The following SLC24A3 variants were observed in gnomAD, a reference collection of about 807,000 sequenced individuals.
The protein encoded by SLC24A3 is sodium/potassium/calcium exchanger 3.
In SLC24A3, 28 loss-of-function variants were observed where a neutral mutation model predicts 75.8. That is an observed-to-expected ratio of 0.37 (90% CI 0.27 to 0.51). SLC24A3 has a LOEUF of 0.51. SLC24A3 is among the 20% of genes least tolerant of loss of function. The pLI, the probability that SLC24A3 is intolerant of heterozygous loss-of-function variation, is 0.94. For synonymous variants in SLC24A3, 372 were observed against 334.1 expected, an observed-to-expected ratio of 1.11 and a Z score of -1.24; for missense variants, 663 against 847.8, an observed-to-expected ratio of 0.78 and a Z score of 2.71.
chr20:19,476,835 T>TAGCA (rs1987969672), intron 2 of SLC24A3, among the ~76,000 whole-genome samples: 1 of 152,154 alleles, frequency 6.6e-6, no homozygotes, highest in Non-Finnish European at 1.5e-5. Flanking sequence ...GGAGGAACGA[T>TAGCA]AGCACAGCAA....
intron 2 of SLC24A3, among the ~76,000 whole-genome samples, chr20:19,379,593 C>T (rs778917917): frequency 4.6e-5 from 7 of 152,284 alleles, no homozygotes; most frequent in South Asian, 2.1e-4. Flanking sequence ...CACAGGTGCA[C>T]ACCCCCAGTT....
intron 2 of SLC24A3, among the ~76,000 whole-genome samples, chr20:19,300,874 G>C (rs1984178975): frequency 6.6e-6 from 1 of 152,148 alleles, no homozygotes; most frequent in Non-Finnish European, 1.5e-5. Flanking sequence ...CTGGCTGCGA[G>C]AAGTGGGGGT....
At chr20:19,486,661 A>T (rs910212467) in intron 2 of SLC24A3, among the ~76,000 whole-genome samples, 1 of 152,140 alleles carries the variant, frequency 6.6e-6, no homozygotes, top group Non-Finnish European at 1.5e-5. Context: ...CCTCCACTTC[A>T]TGAGGGTTAT....
At chr20:19,452,263 C>A (rs866242010) in intron 2 of SLC24A3, among the ~76,000 whole-genome samples, 1 of 152,234 alleles carries the variant, frequency 6.6e-6, no homozygotes, top group Non-Finnish European at 1.5e-5. Flanking sequence ...ACATCAAAAT[C>A]TACTATCTAG....
chr20:19,214,789 T>G lies in SLC24A3; in HGVS notation c.142+1805T>G, dbSNP rs1014974247. ...CAGGTGCCACTGACTCAGATTTAGT[T>G]CCATAGCACGGCCTTTTCCGCATCC... On this transcript the variant is annotated intron_variant, in intron 1 of 16. Coordinates refer to ENST00000328041, the MANE Select transcript of SLC24A3 (RefSeq NM_020689.4). Among the ~76,000 whole-genome samples, 18 of 152,290 alleles carry G rather than the reference T, an allele frequency of 1.2e-4. 1 individual carries two copies. The highest frequency in any genetic ancestry group is 9.2e-4 in the Admixed American group (14 of 15,298).
At chr20:19,277,977 A>G (rs1384814547) in intron 1 of SLC24A3, among the ~76,000 whole-genome samples, 3 of 152,100 alleles carry the variant, frequency 2.0e-5, no homozygotes, top group Non-Finnish European at 4.4e-5. Flanking sequence ...TGGCCACAGC[A>G]TGACTCTCTC....
chr20:19,272,750 G>A (rs1452675555), intron 1 of SLC24A3, among the ~76,000 whole-genome samples: 1 of 152,222 alleles, frequency 6.6e-6, no homozygotes, highest in African/African-American at 2.4e-5. Flanking sequence ...GTGGTTCAGT[G>A]ATTACCCAGG....
At chr20:19,642,843 T>C (rs1436239554) in intron 6 of SLC24A3, among the ~76,000 whole-genome samples, 2 of 152,234 alleles carry the variant, frequency 1.3e-5, no homozygotes, top group African/African-American at 4.8e-5. Context: ...TCAGCTCTCT[T>C]CTTTATTGTC....
At chr20:19,326,999 G>A (rs867282101) in intron 2 of SLC24A3, among the ~76,000 whole-genome samples, 2 of 151,926 alleles carry the variant, frequency 1.3e-5, no homozygotes, top group Non-Finnish European at 2.9e-5. Flanking sequence ...AAAGAGTTGC[G>A]GCCTTCCCAT....
rs567626843 is a variant in SLC24A3, at chr20:19,239,121, A to T, written c.142+26137A>T. Among the ~76,000 whole-genome samples the T allele has an allele frequency of 3.6e-3, 347 of 95,104 alleles. 9 individuals are homozygous for T. In the South Asian group the frequency reaches 0.077, roughly 21 times the overall value. The allele number at this position is 95,104 out of a possible 152,430, so 62.4% of individuals were successfully genotyped here. On this transcript the variant is annotated intron_variant, in intron 1 of 16. Coordinates refer to ENST00000328041, the MANE Select transcript of SLC24A3 (RefSeq NM_020689.4). Reference sequence around the variant, plus strand: ...GAGCTCTTTGAGAAAAGCTTATTTTAAAAAAAAAAAAAAAAAACAACACAG... The same window carrying T: ...GAGCTCTTTGAGAAAAGCTTATTTTTAAAAAAAAAAAAAAAAACAACACAG...
intron 2 of SLC24A3, among the ~76,000 whole-genome samples, chr20:19,417,486 A>T (rs1180333244): frequency 6.6e-6 from 1 of 152,196 alleles, no homozygotes; most frequent in Non-Finnish European, 1.5e-5. Context: ...TGAACTAGAG[A>T]CAGTGGGATC....
intron 6 of SLC24A3, among the ~76,000 whole-genome samples, chr20:19,630,294 C>T (rs372302669): frequency 6.6e-6 from 1 of 152,152 alleles, no homozygotes; most frequent in Non-Finnish European, 1.5e-5. Context: ...GTTTAATAAT[C>T]ACATTAATAA....
intron 2 of SLC24A3, among the ~76,000 whole-genome samples, chr20:19,370,744 T>C (rs73288710): frequency 0.021 from 3,154 of 152,258 alleles, 40 homozygotes; most frequent in East Asian, 0.035. Context: ...TTGAGCACAT[T>C]GTCAGGTCTT....
intron 2 of SLC24A3, among the ~76,000 whole-genome samples, chr20:19,346,319 A>G (rs537834566): frequency 3.0e-5 from 3 of 100,712 alleles, no homozygotes; most frequent in African/African-American, 1.1e-4. Context: ...TATATATGGT[A>G]TATATATATG....
At chr20:19,602,961 A>T (rs2031546774) in intron 6 of SLC24A3, among the ~76,000 whole-genome samples, 1 of 152,158 alleles carries the variant, frequency 6.6e-6, no homozygotes. Context: ...GCTGAGCAAG[A>T]TTGCTTAGGA....
At chr20:19,222,439 T>C (rs1298028856) in intron 1 of SLC24A3, among the ~76,000 whole-genome samples, 1 of 152,198 alleles carries the variant, frequency 6.6e-6, no homozygotes, top group Non-Finnish European at 1.5e-5. Context: ...GCTATCTAAC[T>C]GGGCTATTTT....
chr20:19,652,831 T>TC (rs537983452), intron 6 of SLC24A3, among the ~76,000 whole-genome samples: 8 of 152,196 alleles, frequency 5.3e-5, no homozygotes, highest in Non-Finnish European at 1.0e-4. Context: ...GGTCCCTTTT[T>TC]CCCACTGTGT....
At chr20:19,567,907 A>G (rs2030986026) in intron 3 of SLC24A3, among the ~76,000 whole-genome samples, 2 of 152,196 alleles carry the variant, frequency 1.3e-5, no homozygotes, top group African/African-American at 2.4e-5. Context: ...AATATCCAGA[A>G]TATATAAAGA....
chr20:19,400,071 T>G (rs1986522621), intron 2 of SLC24A3, among the ~76,000 whole-genome samples: 1 of 152,228 alleles, frequency 6.6e-6, no homozygotes, highest in Non-Finnish European at 1.5e-5. Context: ...ATAACAACTT[T>G]TCTAATGTCG....
Sources: gnomAD v4.1 joint callset for allele counts (sites outside exome capture counted in the v4.1 genomes callset) on GRCh38, gnomAD v4.1.1 for gene constraint, MANE v1.5 for transcripts, NCBI Gene and HGNC (gene_info 2026-07-23, HGNC 2026-07-21) for gene names.